MTX2: variants seen among roughly 807,000 people sequenced by gnomAD.
MTX2 encodes metaxin 2, also known as metaxin-2.
In MTX2, 35 loss-of-function variants were observed where a neutral mutation model predicts 42.3. The observed-to-expected ratio is 0.83, with a 90% CI of 0.63 to 1.10. The LOEUF is 1.10. MTX2 is among the 50% of genes least tolerant of loss of function. The pLI is 0.00. For synonymous variants in MTX2, 119 were observed against 100.9 expected (o/e 1.18, Z -1.08); for missense variants, 307 against 304.1 (o/e 1.01, Z -0.07).
Position 176,269,587 on chromosome 2 carries a change from C to T in MTX2, c.-43C>T, listed in dbSNP as rs376095804. 1.1e-3 allele frequency: 1,650 copies of T among 1,553,516 alleles called. 5 individuals are homozygous for T. The highest frequency in any genetic ancestry group is 0.01 in the Middle Eastern group (56 of 5,598). On this transcript the variant is annotated 5_prime_UTR_variant, in exon 1 of 10. Transcript: ENST00000249442. ...GGGTTTGCGGTGGAGGACGCTGAGGCCCGTGGGGGGCAGGCACCCGGGCGC... is the reference window on the plus strand; with the variant it reads ...GGGTTTGCGGTGGAGGACGCTGAGGTCCGTGGGGGGCAGGCACCCGGGCGC...
At chr2:176,307,388 C>A (rs946477884) in intron 3 of MTX2, among the ~76,000 whole-genome samples, 1 of 151,788 alleles carries the variant, frequency 6.6e-6, no homozygotes, top group African/African-American at 2.4e-5. Flanking sequence ...CTTGGCAATG[C>A]AGACTCTTTT....
intron 1 of MTX2, among the ~76,000 whole-genome samples, chr2:176,293,050 T>C (rs1013405388): frequency 2.0e-5 from 3 of 152,238 alleles, no homozygotes; most frequent in African/African-American, 7.2e-5. Flanking sequence ...TATCTCTAAA[T>C]ACGAGTTTAA....
intron 3 of MTX2, among the ~76,000 whole-genome samples, chr2:176,309,366 C>T (rs1019760765): frequency 3.3e-5 from 5 of 152,156 alleles, no homozygotes; most frequent in African/African-American, 1.2e-4. Flanking sequence ...AATGTATATT[C>T]TGTTGAATTG....
At chr2:176,275,312 C>A (rs1035659409) in intron 1 of MTX2, among the ~76,000 whole-genome samples, 18 of 151,670 alleles carry the variant, frequency 1.2e-4, no homozygotes, top group African/African-American at 4.1e-4. Flanking sequence ...AACCTTGGCT[C>A]ACTGCAACCT....
At chr2:176,270,261 C>T (rs764516919) in intron 1 of MTX2, 1 of 968,484 alleles carries the variant, frequency 1.0e-6, no homozygotes, top group Non-Finnish European at 1.4e-6. Context: ...ACCTCCGCTT[C>T]CCGGGTTCAA....
intron 2 of MTX2, 137 bp from the exon 3 acceptor site, chr2:176,297,712 T>G: frequency 2.5e-6 from 1 of 404,856 alleles, no homozygotes; most frequent in Non-Finnish European, 4.4e-6. Flanking sequence ...ATCAAAATTA[T>G]AATTATATAT....
chr2:176,312,468 T>C (rs1248184527), intron 3 of MTX2, among the ~76,000 whole-genome samples: 3 of 152,228 alleles, frequency 2.0e-5, no homozygotes, highest in Non-Finnish European at 2.9e-5. Flanking sequence ...CACAAACCTC[T>C]ATATCAATAT....
intron 1 of MTX2, chr2:176,270,503 A>T: frequency 1.0e-6 from 1 of 984,826 alleles, no homozygotes; most frequent in Non-Finnish European, 1.4e-6. Flanking sequence ...GACTAAACAT[A>T]GGTACTTTGA....
intron 1 of MTX2, chr2:176,270,155 A>C (rs1417807099): frequency 3.3e-6 from 1 of 304,010 alleles, no homozygotes; most frequent in Non-Finnish European, 6.4e-6. Flanking sequence ...CCATTTGCTA[A>C]GACTCTAGGA....
chr2:176,317,094 A>G (rs867950153), intron 3 of MTX2, among the ~76,000 whole-genome samples: 44 of 151,542 alleles, frequency 2.9e-4, no homozygotes, highest in South Asian at 6.2e-4. Context: ...TTTGTTTTCA[A>G]AAATTCACAT....
At chr2:176,296,224 A>G (rs1683874236) in intron 1 of MTX2, among the ~76,000 whole-genome samples, 1 of 152,142 alleles carries the variant, frequency 6.6e-6, no homozygotes, top group African/African-American at 2.4e-5. Flanking sequence ...TTCACATTGT[A>G]GGTATGTAAT....
intron 3 of MTX2, among the ~76,000 whole-genome samples, chr2:176,299,000 A>G (rs766209207): frequency 5.9e-5 from 9 of 152,058 alleles, no homozygotes; most frequent in Non-Finnish European, 1.3e-4. Context: ...CCCTAAAACT[A>G]CATAATACTA....
intron 3 of MTX2, among the ~76,000 whole-genome samples, chr2:176,317,050 A>C (rs1217943543): frequency 2.0e-5 from 3 of 151,552 alleles, no homozygotes; most frequent in Admixed American, 6.6e-5. Flanking sequence ...AAAAAAAAAA[A>C]ACAAAAACTT....
intron 3 of MTX2, among the ~76,000 whole-genome samples, chr2:176,320,678 C>T (rs1310056215): frequency 3.3e-5 from 5 of 149,826 alleles, no homozygotes; most frequent in African/African-American, 1.2e-4. Context: ...GTCTTACTTC[C>T]TCCCTTTTTA....
chr2:176,270,408 T>C, intron 1 of MTX2: 6 of 1,363,336 alleles, frequency 4.4e-6, no homozygotes, highest in Non-Finnish European at 5.9e-6. Flanking sequence ...TGAACATGAC[T>C]GATGTATATA....
intron 3 of MTX2, among the ~76,000 whole-genome samples, chr2:176,310,353 A>G (rs1055521502): frequency 6.6e-5 from 10 of 151,610 alleles, no homozygotes; most frequent in African/African-American, 2.2e-4. Flanking sequence ...CTTCATTTCA[A>G]GTTGAATCTG....
chr2:176,273,088 A>C (rs1305229680), intron 1 of MTX2, among the ~76,000 whole-genome samples: 1 of 152,232 alleles, frequency 6.6e-6, no homozygotes, highest in Non-Finnish European at 1.5e-5. Context: ...TGGAAAGGCC[A>C]GGGAGGGCAA....
intron 1 of MTX2, among the ~76,000 whole-genome samples, chr2:176,287,504 A>C (rs962521859): frequency 6.6e-6 from 1 of 152,188 alleles, no homozygotes; most frequent in African/African-American, 2.4e-5. Flanking sequence ...TAAGTATATA[A>C]TGCAGATATT....
At chr2:176,276,669 C>A (rs1692953024) in intron 1 of MTX2, among the ~76,000 whole-genome samples, 1 of 151,744 alleles carries the variant, frequency 6.6e-6, no homozygotes, top group South Asian at 2.1e-4. Context: ...CTTTTATTGC[C>A]CAAGAGCCTT....
Sources: allele counts gnomAD v4.1 joint callset (sites outside exome capture counted in the v4.1 genomes callset), GRCh38; gene constraint gnomAD v4.1.1; transcripts MANE v1.5; gene names NCBI Gene and HGNC (gene_info 2026-07-23, HGNC 2026-07-21).